DMC1: variants seen among roughly 807,000 people sequenced by gnomAD.
DMC1 encodes DNA meiotic recombinase 1.
In DMC1, 27 loss-of-function variants were observed where a neutral mutation model predicts 50.1. The observed-to-expected ratio is 0.54, with a 90% CI of 0.40 to 0.74. DMC1 has a LOEUF of 0.74. Ranked by LOEUF, DMC1 falls within the 30% of genes least tolerant of loss-of-function variation. DMC1 has a pLI of 0.00. For synonymous variants in DMC1, 148 were observed against 136.1 expected (o/e 1.09, Z -0.61); for missense variants, 295 against 420.2 (o/e 0.70, Z 2.60).
chr22:38,565,403 C>G (rs138372965), intron 4 of DMC1, among the ~76,000 whole-genome samples: 1 of 151,088 alleles, frequency 6.6e-6, no homozygotes, highest in Non-Finnish European at 1.5e-5. Flanking sequence ...TATGGCAACA[C>G]CTGGAAGTTA....
chr22:38,542,204 G>A (rs149477907), intron 8 of DMC1, among the ~76,000 whole-genome samples: 46 of 151,298 alleles, frequency 3.0e-4, no homozygotes, highest in African/African-American at 1.1e-3. Flanking sequence ...GTCCTAGCTA[G>A]AGCAATCAGA....
intron 12 of DMC1, among the ~76,000 whole-genome samples, chr22:38,524,425 A>T (rs1358572075): frequency 6.6e-6 from 1 of 152,180 alleles, no homozygotes; most frequent in Non-Finnish European, 1.5e-5. Flanking sequence ...CAAAAAAATA[A>T]AATAAAACAA....
downstream of DMC1, among the ~76,000 whole-genome samples, chr22:38,514,547 C>G (rs1204692113): frequency 6.6e-6 from 1 of 151,818 alleles, no homozygotes; most frequent in Admixed American, 6.6e-5. Flanking sequence ...TTCTTAATCA[C>G]AGGATGAGAC....
chr22:38,557,123 A>G (rs1417844839), intron 5 of DMC1, among the ~76,000 whole-genome samples: 1 of 152,218 alleles, frequency 6.6e-6, no homozygotes, highest in Non-Finnish European at 1.5e-5. Context: ...GCTAGCAACT[A>G]TTAAAGAAAG....
chr22:38,527,212 A>AT (rs1008087677), intron 12 of DMC1, among the ~76,000 whole-genome samples: 14 of 146,446 alleles, frequency 9.6e-5, no homozygotes, highest in East Asian at 2.0e-4. Context: ...TTCTTCTTTT[A>AT]TTTTTTTTTT....
intron 8 of DMC1, among the ~76,000 whole-genome samples, chr22:38,547,356 T>A (rs6001150): frequency 6.6e-6 from 1 of 152,088 alleles, no homozygotes; most frequent in Non-Finnish European, 1.5e-5. Flanking sequence ...TTACAGGCAA[T>A]GGGATGGACT....
downstream of DMC1, among the ~76,000 whole-genome samples, chr22:38,514,115 C>T (rs1010001449): frequency 1.3e-5 from 2 of 152,140 alleles, no homozygotes; most frequent in Non-Finnish European, 2.9e-5. Flanking sequence ...TTTCGTGAGC[C>T]ACTGAATTCC....
intron 8 of DMC1, 33 bp from the exon 9 acceptor site, chr22:38,539,445 T>C: frequency 1.3e-6 from 2 of 1,579,974 alleles, no homozygotes; most frequent in Non-Finnish European, 1.7e-6. Flanking sequence ...ATCCAATAAG[T>C]CAATTCTAAA....
intron 8 of DMC1, among the ~76,000 whole-genome samples, chr22:38,547,609 C>A (rs1181186911): frequency 1.3e-5 from 2 of 151,860 alleles, no homozygotes; most frequent in Admixed American, 1.3e-4. Context: ...GGCACGATCT[C>A]GGCTCACCGC....
downstream of DMC1, among the ~76,000 whole-genome samples, chr22:38,515,766 C>T (rs573351837): frequency 5.9e-5 from 9 of 152,158 alleles, no homozygotes; most frequent in Admixed American, 2.6e-4. Flanking sequence ...CCACTGCACC[C>T]CAGCCTGGGT....
At chr22:38,521,022 C>G (rs902588748) in intron 13 of DMC1, among the ~76,000 whole-genome samples, 1 of 151,956 alleles carries the variant, frequency 6.6e-6, no homozygotes, top group Non-Finnish European at 1.5e-5. Flanking sequence ...CAGGTGTGAG[C>G]CACTGTGCCG....
At chr22:38,538,654 G>A (rs1247045931) in intron 9 of DMC1, 42 bp from the exon 10 acceptor site, 1 of 1,525,636 alleles carries the variant, frequency 6.6e-7, no homozygotes, top group African/African-American at 1.4e-5. Context: ...AAAGTTGAAA[G>A]AAGCAGAGGC....
intron 12 of DMC1, among the ~76,000 whole-genome samples, chr22:38,534,482 C>T (rs902158568): frequency 7.2e-5 from 11 of 152,108 alleles, no homozygotes; most frequent in African/African-American, 2.7e-4. Flanking sequence ...GTGGGCGAAT[C>T]ACCTGAGGTC....
intron 12 of DMC1, among the ~76,000 whole-genome samples, chr22:38,534,797 T>C (rs2090192378): frequency 6.8e-6 from 1 of 146,176 alleles, no homozygotes; most frequent in Admixed American, 6.9e-5. Context: ...AGGTCGGGAG[T>C]TCGAGACCAG....
intron 8 of DMC1, among the ~76,000 whole-genome samples, chr22:38,545,361 T>C (rs899189278): frequency 3.9e-5 from 6 of 152,160 alleles, no homozygotes; most frequent in Middle Eastern, 3.2e-3. Flanking sequence ...CAGTGATCCA[T>C]GATCACGTCA....
chr22:38,517,462 G>A (rs558963068), downstream of DMC1, among the ~76,000 whole-genome samples: 9 of 152,108 alleles, frequency 5.9e-5, no homozygotes, highest in African/African-American at 1.7e-4. Context: ...CTAGTTACTC[G>A]GGAGGCTGAG....
At chr22:38,536,387 T>C (rs1293904879) in intron 12 of DMC1, among the ~76,000 whole-genome samples, 1 of 152,212 alleles carries the variant, frequency 6.6e-6, no homozygotes, top group Non-Finnish European at 1.5e-5. Flanking sequence ...TTTGTTACGG[T>C]GGCAACAAAC....
intron 12 of DMC1, among the ~76,000 whole-genome samples, chr22:38,533,339 T>G (rs1393527829): frequency 7.4e-6 from 1 of 135,512 alleles, no homozygotes; most frequent in East Asian, 2.1e-4. Context: ...GAGCTTGCAG[T>G]GAGCCGAGAT....
At chr22:38,557,404 T>C (rs1030844164) in intron 5 of DMC1, among the ~76,000 whole-genome samples, 5 of 152,188 alleles carry the variant, frequency 3.3e-5, no homozygotes, top group African/African-American at 1.2e-4. Context: ...TAGATTACTA[T>C]TTTCATATTA....
Sources: gnomAD v4.1 joint callset for allele counts (sites outside exome capture counted in the v4.1 genomes callset) on GRCh38, gnomAD v4.1.1 for gene constraint, MANE v1.5 for transcripts, NCBI Gene and HGNC (gene_info 2026-07-23, HGNC 2026-07-21) for gene names.